TIAM1: variants seen among roughly 807,000 people sequenced by gnomAD.
The protein encoded by TIAM1 is rho guanine nucleotide exchange factor TIAM1.
In TIAM1, 65 loss-of-function variants were observed where a neutral mutation model predicts 163.5. The ratio of observed to expected loss-of-function variants is 0.40; its 90% CI spans 0.33 to 0.49. TIAM1 has a LOEUF of 0.49. TIAM1 is among the 20% of genes least tolerant of loss of function. The pLI is 0.77. For missense variants in TIAM1, 1,789 were observed against 2,044.7 expected, an observed-to-expected ratio of 0.87 and a Z score of 2.41; for synonymous variants, 833 against 810.1, an observed-to-expected ratio of 1.03 and a Z score of -0.48.
intron 2 of TIAM1, among the ~76,000 whole-genome samples, chr21:31,403,087 G>A (rs1478771619): frequency 6.6e-6 from 1 of 152,160 alleles, no homozygotes; most frequent in African/African-American, 2.4e-5. Context: ...AATCCCAAAA[G>A]GCAGCATGAC....
chr21:31,186,528 T>C (rs940227178), intron 14 of TIAM1, among the ~76,000 whole-genome samples: 7 of 152,230 alleles, frequency 4.6e-5, no homozygotes, highest in Non-Finnish European at 8.8e-5. Flanking sequence ...AATGAGTGAC[T>C]TGAGAGGCTG....
At chr21:31,164,456 TC>T (rs2084108215) in intron 16 of TIAM1, among the ~76,000 whole-genome samples, 1 of 152,184 alleles carries the variant, frequency 6.6e-6, no homozygotes, top group Non-Finnish European at 1.5e-5. Context: ...AGGAGAACTT[TC>T]TTACTATGTT....
intron 1 of TIAM1, among the ~76,000 whole-genome samples, chr21:31,488,844 A>G (rs1185811063): frequency 1.3e-5 from 2 of 152,150 alleles, no homozygotes. Flanking sequence ...GAGGAGAACA[A>G]GGGAAAAACA....
intron 1 of TIAM1, among the ~76,000 whole-genome samples, chr21:31,469,969 C>A (rs2147370357): frequency 1.3e-5 from 2 of 151,514 alleles, no homozygotes; most frequent in Middle Eastern, 6.9e-3. Context: ...TGAGGAGGCT[C>A]CGAGTGTTAC....
At chr21:31,388,559 G>T (rs1401363581) in intron 2 of TIAM1, among the ~76,000 whole-genome samples, 1 of 152,138 alleles carries the variant, frequency 6.6e-6, no homozygotes, top group African/African-American at 2.4e-5. Context: ...TCAAGAGGCT[G>T]AGGCAGGAGG....
intron 16 of TIAM1, among the ~76,000 whole-genome samples, chr21:31,155,652 C>A (rs1381268473): frequency 6.6e-6 from 1 of 152,072 alleles, no homozygotes; most frequent in Non-Finnish European, 1.5e-5. Context: ...CTACAGGCGC[C>A]CGCCACCACG....
At chr21:31,190,246 A>T (rs185399970) in intron 13 of TIAM1, among the ~76,000 whole-genome samples, 6 of 151,976 alleles carry the variant, frequency 3.9e-5, no homozygotes, top group African/African-American at 1.4e-4. Context: ...TCTCTACAAA[A>T]TTTTTTTTAA....
intron 13 of TIAM1, among the ~76,000 whole-genome samples, chr21:31,190,004 C>A (rs2085477411): frequency 6.6e-6 from 1 of 152,136 alleles, no homozygotes; most frequent in Non-Finnish European, 1.5e-5. Flanking sequence ...TCAATATAAA[C>A]CTATGTATCC....
rs553946414 is a variant in TIAM1 at position 31,548,132 on chromosome 21, C to CTTTT, written c.-422+10791_-422+10794dup. On this transcript the variant is annotated intron_variant, in intron 1 of 28. Coordinates refer to the TIAM1 transcript ENST00000286827. ...CTCGAATAGTATTTGTTATTTGTGT[C>CTTTT]TTTTTTTTTTTTTTTTTTTTTTTTG... Among the ~76,000 whole-genome samples the CTTTT allele has an allele frequency of 6.4e-4, 48 of 74,990 alleles. 1 individual carries two copies. The highest frequency in any genetic ancestry group is 7.1e-4 in the Non-Finnish European group (30 of 42,254). The allele number at this position is 74,990 out of a possible 152,430, so 49.2% of individuals were successfully genotyped here.
At chr21:31,260,247 T>C (rs960608633) in intron 4 of TIAM1, among the ~76,000 whole-genome samples, 11 of 148,490 alleles carry the variant, frequency 7.4e-5, no homozygotes, top group Admixed American at 5.4e-4. Flanking sequence ...TATATACTTT[T>C]TTTTTTTTGA....
chr21:31,160,030 C>A (rs961520898), intron 16 of TIAM1, among the ~76,000 whole-genome samples: 2 of 152,238 alleles, frequency 1.3e-5, no homozygotes, highest in Admixed American at 6.5e-5. Context: ...CCAGACCTCC[C>A]TGCCGATCAC....
intron 3 of TIAM1, among the ~76,000 whole-genome samples, chr21:31,275,191 C>T (rs1052586879): frequency 2.0e-5 from 3 of 151,134 alleles, no homozygotes; most frequent in Non-Finnish European, 2.9e-5. Context: ...GATAAATCTG[C>T]GTAAGAATTT....
At chr21:31,232,651 C>T (rs2088506433) in intron 6 of TIAM1, among the ~76,000 whole-genome samples, 1 of 152,180 alleles carries the variant, frequency 6.6e-6, no homozygotes, top group Non-Finnish European at 1.5e-5. Flanking sequence ...TAAATTCTGA[C>T]ATGCTAGAAA....
At chr21:31,154,919 T>C (rs751700007) in intron 16 of TIAM1, among the ~76,000 whole-genome samples, 2 of 152,236 alleles carry the variant, frequency 1.3e-5, no homozygotes, top group African/African-American at 2.4e-5. Flanking sequence ...CTTTGCAATG[T>C]TGCAAAGATG....
intron 2 of TIAM1, among the ~76,000 whole-genome samples, chr21:31,448,673 G>A (rs1271793611): frequency 6.6e-6 from 1 of 150,984 alleles, no homozygotes; most frequent in East Asian, 1.9e-4. Flanking sequence ...TGAGCATGGA[G>A]GTGTCTTGCA....
intron 22 of TIAM1, among the ~76,000 whole-genome samples, chr21:31,137,073 C>G (rs887123602): frequency 5.3e-5 from 8 of 152,242 alleles, no homozygotes; most frequent in African/African-American, 1.9e-4. Flanking sequence ...TCCAGAGAGT[C>G]TGATGCAAGT....
intron 1 of TIAM1, among the ~76,000 whole-genome samples, chr21:31,511,917 A>G (rs1176720253): frequency 1.3e-5 from 2 of 152,196 alleles, no homozygotes; most frequent in African/African-American, 4.8e-5. Context: ...AGGCAGAAAT[A>G]GACAAGAGAG....
At chr21:31,530,285 T>C (rs770657310) in intron 1 of TIAM1, among the ~76,000 whole-genome samples, 5 of 152,214 alleles carry the variant, frequency 3.3e-5, no homozygotes, top group Non-Finnish European at 7.3e-5. Flanking sequence ...TACACAACAT[T>C]TCTTTAACCC....
intron 1 of TIAM1, among the ~76,000 whole-genome samples, chr21:31,498,626 G>A (rs959213536): frequency 1.5e-4 from 23 of 152,208 alleles, no homozygotes; most frequent in African/African-American, 5.3e-4. Context: ...TGTGGGACTA[G>A]TGAGAAGTCA....
Sources: gnomAD v4.1 joint callset for allele counts (sites outside exome capture counted in the v4.1 genomes callset) on GRCh38, gnomAD v4.1.1 for gene constraint, MANE v1.5 for transcripts, NCBI Gene and HGNC (gene_info 2026-07-23, HGNC 2026-07-21) for gene names.